The following WNT7A variants were observed in gnomAD, a reference collection of about 807,000 sequenced individuals.
WNT7A encodes the protein protein Wnt-7a.
Under a neutral mutation model 28.2 loss-of-function variants are expected in WNT7A, and 16 were observed. The observed-to-expected ratio is 0.57, with a 90% CI of 0.38 to 0.86. The LOEUF is 0.86. Ranked by LOEUF, WNT7A falls within the 40% of genes least tolerant of loss-of-function variation. The pLI, the probability that WNT7A is intolerant of heterozygous loss-of-function variation, is 0.00. For missense variants in WNT7A, 411 were observed against 489.7 expected (o/e 0.84, Z 1.52); for synonymous variants, 190 against 195.9 (o/e 0.97, Z 0.25).
chr3:13,830,346 C>G (rs959121216), intron 3 of WNT7A, among the ~76,000 whole-genome samples: 1 of 152,120 alleles, frequency 6.6e-6, no homozygotes, highest in Non-Finnish European at 1.5e-5. Context: ...GGGTCAGACT[C>G]CAGAGACTTG....
chr3:13,872,751 G>A (rs919314069), intron 2 of WNT7A, among the ~76,000 whole-genome samples: 27 of 152,226 alleles, frequency 1.8e-4, no homozygotes, highest in African/African-American at 6.0e-4. Context: ...TCCTTGTCCA[G>A]GCACTGCCCT....
intron 3 of WNT7A, among the ~76,000 whole-genome samples, chr3:13,832,048 C>T (rs138631324): frequency 1.3e-5 from 2 of 152,132 alleles, no homozygotes; most frequent in Non-Finnish European, 2.9e-5. Flanking sequence ...GGCTCCCATC[C>T]AGAGCTGCCA....
chr3:13,868,123 G>A (rs1023687493), intron 2 of WNT7A, among the ~76,000 whole-genome samples: 1 of 152,166 alleles, frequency 6.6e-6, no homozygotes, highest in Non-Finnish European at 1.5e-5. Context: ...GAGAGGCAGG[G>A]AAGACATGAG....
intron 3 of WNT7A, among the ~76,000 whole-genome samples, chr3:13,840,331 A>G (rs753476965): frequency 6.6e-6 from 1 of 152,208 alleles, no homozygotes; most frequent in Non-Finnish European, 1.5e-5. Context: ...ATATTCTATT[A>G]TTTGTTTGTT....
intron 3 of WNT7A, among the ~76,000 whole-genome samples, chr3:13,842,152 G>C (rs1259888710): frequency 6.6e-6 from 1 of 152,144 alleles, no homozygotes; most frequent in Non-Finnish European, 1.5e-5. Context: ...GCCATGGTGA[G>C]ATTATAAGTG....
At chr3:13,868,426 A>AT (rs1694944114) in intron 2 of WNT7A, among the ~76,000 whole-genome samples, 1 of 150,066 alleles carries the variant, frequency 6.7e-6, no homozygotes, top group Non-Finnish European at 1.5e-5. Context: ...AGTGAGCTAT[A>AT]TTTGCAGTGC....
At chr3:13,834,076 T>C (rs937106079) in intron 3 of WNT7A, among the ~76,000 whole-genome samples, 1 of 152,210 alleles carries the variant, frequency 6.6e-6, no homozygotes, top group African/African-American at 2.4e-5. Context: ...CTTGCTCCCG[T>C]TCCTGTGGTC....
intron 3 of WNT7A, among the ~76,000 whole-genome samples, chr3:13,845,263 T>C (rs1694520763): frequency 6.6e-6 from 1 of 152,064 alleles, no homozygotes; most frequent in Admixed American, 6.6e-5. Context: ...GGCCCCTTAG[T>C]AGTCAACGTC....
intron 3 of WNT7A, among the ~76,000 whole-genome samples, chr3:13,849,319 G>A (rs1463014033): frequency 6.6e-6 from 1 of 152,100 alleles, no homozygotes; most frequent in Non-Finnish European, 1.5e-5. Flanking sequence ...CCACAAACTT[G>A]GTTAAATCTG....
intron 3 of WNT7A, among the ~76,000 whole-genome samples, chr3:13,826,101 C>T (rs1464059945): frequency 3.3e-5 from 5 of 152,168 alleles, no homozygotes; most frequent in Non-Finnish European, 7.3e-5. Context: ...CAGTGAGGAC[C>T]TACTGTGTGG....
Position 13,818,042 on chromosome 3 carries a change from C to CT in WNT7A, c.*901dup, listed in dbSNP as rs1694036670. ...ACGCCACAACCAGGCATCGCCCCTC[C>CT]TTACCCCTAAGTGAGTACCAGAATT... On this transcript the variant is annotated 3_prime_UTR_variant, in exon 4 of 4. Transcript: ENST00000285018. 1 of 152,184 alleles carries CT rather than the reference C, an allele frequency of 6.6e-6. No individual in the cohort carries two copies. Among genetic ancestry groups the CT allele is most frequent in the Non-Finnish European group, 1.5e-5 (1 of 68,028 alleles). The allele number at this position is 152,184 out of a possible 1,614,324, so 9.4% of individuals were successfully genotyped here.
chr3:13,824,965 G>A, intron 3 of WNT7A, among the ~76,000 whole-genome samples: 1 of 152,266 alleles, frequency 6.6e-6, no homozygotes, highest in East Asian at 1.9e-4. Flanking sequence ...GAATGAAATG[G>A]CTCTTACTCA....
chr3:13,822,940 C>A (rs1283103471), intron 3 of WNT7A, among the ~76,000 whole-genome samples: 2 of 152,214 alleles, frequency 1.3e-5, no homozygotes, highest in African/African-American at 2.4e-5. Context: ...CTGAATGTGG[C>A]CTCCCTGTTC....
intron 3 of WNT7A, among the ~76,000 whole-genome samples, chr3:13,829,697 C>A (rs926276930): frequency 7.2e-5 from 11 of 152,016 alleles, no homozygotes; most frequent in Admixed American, 7.2e-4. Context: ...AGAGAAAAGA[C>A]GGGGACAGAG....
At chr3:13,831,870 T>A (rs1269061068) in intron 3 of WNT7A, among the ~76,000 whole-genome samples, 3 of 152,090 alleles carry the variant, frequency 2.0e-5, no homozygotes, top group Non-Finnish European at 4.4e-5. Flanking sequence ...TATAGGTGTA[T>A]CTCCCCAGAG....
At chr3:13,867,886 T>C (rs552014846) in intron 2 of WNT7A, among the ~76,000 whole-genome samples, 37 of 152,216 alleles carry the variant, frequency 2.4e-4, no homozygotes, top group Non-Finnish European at 4.7e-4. Flanking sequence ...ATCAGGATGC[T>C]GTTAGATTGT....
chr3:13,819,506 C>G lies in WNT7A; in HGVS notation c.571-83G>C, dbSNP rs1180924745. ...CAGCCCCCAGCTCCCCCCCGCCCCC[C>G]ACCCCTGCCCCACCTATCTGGGTCT... On this transcript the variant is annotated intron_variant, in intron 3 of 3. Coordinates refer to ENST00000285018, the MANE Select transcript of WNT7A (RefSeq NM_004625.4). The G allele has an allele frequency of 8.1e-6, 12 of 1,477,488 alleles. No homozygotes were observed. In the African/African-American group the frequency reaches 1.7e-4, roughly 21 times the overall value. The allele number at this position is 1,477,488 out of a possible 1,614,324, so 91.5% of individuals were successfully genotyped here.
At chr3:13,849,484 C>T (rs1694594359) in intron 3 of WNT7A, among the ~76,000 whole-genome samples, 1 of 152,202 alleles carries the variant, frequency 6.6e-6, no homozygotes, top group African/African-American at 2.4e-5. Context: ...CAAGCACTTG[C>T]CATATCATTT....
intron 2 of WNT7A, among the ~76,000 whole-genome samples, chr3:13,857,149 A>G (rs557122027): frequency 6.6e-6 from 1 of 152,344 alleles, no homozygotes; most frequent in East Asian, 1.9e-4. Context: ...GCATGAAATC[A>G]AGAAATGCTG....
Sources: gnomAD v4.1 joint callset for allele counts (sites outside exome capture counted in the v4.1 genomes callset) on GRCh38, gnomAD v4.1.1 for gene constraint, MANE v1.5 for transcripts, NCBI Gene and HGNC (gene_info 2026-07-23, HGNC 2026-07-21) for gene names.